The following SUMF1 variants were observed in gnomAD, a reference collection of about 807,000 sequenced individuals.
The protein encoded by SUMF1 is formylglycine-generating enzyme.
A neutral mutation model predicts 47.6 loss-of-function variants in SUMF1; 48 were observed. The observed-to-expected ratio is 1.01, with a 90% CI of 0.80 to 1.28. The LOEUF (loss-of-function observed/expected upper bound fraction) is 1.28, where lower values mean the gene tolerates loss of function less well. Among genes scored for constraint, SUMF1 ranks in the 50% most tolerant of loss-of-function variants. SUMF1 has a pLI of 0.00. For synonymous variants in SUMF1, 230 were observed against 192.1 expected (o/e 1.20, Z -1.63); for missense variants, 571 against 485.4 (o/e 1.18, Z -1.66).
At chr3:4,185,380 GT>G (rs890742095) in intron 8 of SUMF1, among the ~76,000 whole-genome samples, 5 of 152,096 alleles carry the variant, frequency 3.3e-5, no homozygotes, top group African/African-American at 1.2e-4. Flanking sequence ...ACTTTTCATT[GT>G]TTTTTTGAAT....
chr3:4,105,628 G>C (rs911406618), intron 8 of SUMF1, among the ~76,000 whole-genome samples: 5 of 152,004 alleles, frequency 3.3e-5, no homozygotes, highest in Non-Finnish European at 5.9e-5. Context: ...ATTATTAATG[G>C]AAACTTAGGA....
At chr3:4,284,441 AAGGAGGAGGAGG>A (rs72201582) in intron 8 of SUMF1, among the ~76,000 whole-genome samples, 13 of 91,634 alleles carry the variant, frequency 1.4e-4, no homozygotes, top group African/African-American at 2.9e-4. Context: ...TAAAAAATGA[AAGGAGGAGGAGG>A]AGGAGGAGGA....
intron 8 of SUMF1, among the ~76,000 whole-genome samples, chr3:4,215,803 G>GA (rs1317504535): frequency 6.6e-6 from 1 of 152,000 alleles, no homozygotes; most frequent in South Asian, 2.1e-4. Context: ...GCTACTAAGA[G>GA]AAAAAAATAC....
intron 8 of SUMF1, among the ~76,000 whole-genome samples, chr3:4,338,423 A>C (rs956763608): frequency 4.9e-4 from 74 of 152,350 alleles, no homozygotes; most frequent in Middle Eastern, 3.4e-3. Context: ...TATGAACAAC[A>C]TGACACCTTA....
intron 7 of SUMF1, among the ~76,000 whole-genome samples, chr3:4,402,589 G>T (rs1701247635): frequency 6.6e-6 from 1 of 152,148 alleles, no homozygotes; most frequent in African/African-American, 2.4e-5. Context: ...CTTGGGCCCT[G>T]TCCCATTCAT....
chr3:4,344,918 G>A (rs751368717), intron 8 of SUMF1, among the ~76,000 whole-genome samples: 5 of 151,818 alleles, frequency 3.3e-5, no homozygotes, highest in African/African-American at 4.8e-5. Context: ...TACAGCAAGC[G>A]GAAGAAAGGA....
At chr3:4,107,418 C>T (rs1693183485) in intron 8 of SUMF1, among the ~76,000 whole-genome samples, 4 of 152,116 alleles carry the variant, frequency 2.6e-5, no homozygotes, top group Non-Finnish European at 1.5e-5. Flanking sequence ...ACTCACACAG[C>T]TGCCTAAGGA....
intron 8 of SUMF1, among the ~76,000 whole-genome samples, chr3:4,098,280 A>G (rs1280144179): frequency 6.6e-6 from 1 of 152,106 alleles, no homozygotes; most frequent in Non-Finnish European, 1.5e-5. Flanking sequence ...TATACTAAAT[A>G]TTTAGAAGCA....
intron 8 of SUMF1, among the ~76,000 whole-genome samples, chr3:4,264,673 G>A (rs1697152922): frequency 6.6e-6 from 1 of 152,080 alleles, no homozygotes; most frequent in Non-Finnish European, 1.5e-5. Context: ...TGATAAAATG[G>A]GTACTTTCAC....
chr3:4,453,556 G>A lies in SUMF1; in HGVS notation c.271-507C>T, dbSNP rs1250848199. 2.8e-4 allele frequency among the ~76,000 whole-genome samples: 40 copies of A among 144,682 alleles called. 1 individual carries two copies. The highest frequency in any genetic ancestry group is 1.5e-4 in the Non-Finnish European group (10 of 66,482). The allele number at this position is 144,682 out of a possible 152,430, so 94.9% of individuals were successfully genotyped here. ...TAATTTTTTTTTTTTTTTTTGAGAC[G>A]GAGTCTTGCTCTGTCGCCCCAGGCT... is the stretch of plus-strand genomic sequence containing the variant. On this transcript the variant is annotated intron_variant, in intron 1 of 8. Coordinates refer to ENST00000272902, the MANE Select transcript of SUMF1 (RefSeq NM_182760.4).
intron 3 of SUMF1, among the ~76,000 whole-genome samples, chr3:4,431,456 C>A (rs1241525162): frequency 6.6e-6 from 1 of 152,218 alleles, no homozygotes; most frequent in Non-Finnish European, 1.5e-5. Flanking sequence ...CTGCACTCAG[C>A]CACACTGAGA....
intron 8 of SUMF1, among the ~76,000 whole-genome samples, chr3:4,224,388 A>G (rs1309815737): frequency 6.6e-6 from 1 of 152,066 alleles, no homozygotes; most frequent in East Asian, 1.9e-4. Flanking sequence ...TGTTCAAGGC[A>G]TATTTTGGTG....
intron 3 of SUMF1, among the ~76,000 whole-genome samples, chr3:4,424,236 C>G (rs1203849085): frequency 6.6e-6 from 1 of 152,148 alleles, no homozygotes; most frequent in East Asian, 1.9e-4. Flanking sequence ...CCCGCTACCC[C>G]ACCCTCTGCT....
At chr3:4,042,514 C>G (rs1694926587) in intron 9 of SUMF1, among the ~76,000 whole-genome samples, 1 of 152,114 alleles carries the variant, frequency 6.6e-6, no homozygotes, top group Non-Finnish European at 1.5e-5. Flanking sequence ...GGACATCTGC[C>G]CAGCAATTGC....
At chr3:4,213,025 A>C (rs573212974) in intron 8 of SUMF1, among the ~76,000 whole-genome samples, 2 of 152,300 alleles carry the variant, frequency 1.3e-5, no homozygotes, top group East Asian at 3.9e-4. Context: ...CAACCCAGCA[A>C]GACAGGCCAA....
At chr3:4,371,280 CTGT>C (rs1700158989) in intron 8 of SUMF1, among the ~76,000 whole-genome samples, 1 of 152,074 alleles carries the variant, frequency 6.6e-6, no homozygotes, top group Non-Finnish European at 1.5e-5. Context: ...TGGGAAGGAC[CTGT>C]TTTAGTCCTA....
chr3:4,290,398 G>C (rs544841299), intron 8 of SUMF1, among the ~76,000 whole-genome samples: 1 of 152,110 alleles, frequency 6.6e-6, no homozygotes, highest in Non-Finnish European at 1.5e-5. Context: ...AAAACTTCTT[G>C]TCCAGTTTAT....
intron 8 of SUMF1, among the ~76,000 whole-genome samples, chr3:4,220,857 C>T (rs1366424607): frequency 1.3e-5 from 2 of 152,092 alleles, no homozygotes; most frequent in Non-Finnish European, 2.9e-5. Flanking sequence ...CTTCCAGCAA[C>T]ATGAAAGTTT....
At chr3:4,454,122 A>G (rs889523536) in intron 1 of SUMF1, among the ~76,000 whole-genome samples, 1 of 152,208 alleles carries the variant, frequency 6.6e-6, no homozygotes, top group African/African-American at 2.4e-5. Flanking sequence ...TCACTAAAAT[A>G]GAAAGTTTTA....
Sources: allele counts gnomAD v4.1 joint callset (sites outside exome capture counted in the v4.1 genomes callset), GRCh38; gene constraint gnomAD v4.1.1; transcripts MANE v1.5; gene names NCBI Gene and HGNC (gene_info 2026-07-23, HGNC 2026-07-21).